Variants in CLVS1 observed in about 807,000 individuals in gnomAD.
CLVS1 encodes clavesin 1.
Under a neutral mutation model 33.1 loss-of-function variants are expected in CLVS1, and 10 were observed. That is an observed-to-expected ratio of 0.30 (90% CI 0.19 to 0.51). The LOEUF (loss-of-function observed/expected upper bound fraction) is 0.51, where lower values mean the gene tolerates loss of function less well. CLVS1 is among the 20% of genes least tolerant of loss of function. CLVS1 has a pLI of 0.97. For synonymous variants in CLVS1, 163 were observed against 166.1 expected, an observed-to-expected ratio of 0.98 and a Z score of 0.14; for missense variants, 343 against 433.4, an observed-to-expected ratio of 0.79 and a Z score of 1.85.
intron 3 of CLVS1, among the ~76,000 whole-genome samples, chr8:61,412,654 G>A (rs557068160): frequency 7.9e-5 from 12 of 152,280 alleles, no homozygotes; most frequent in South Asian, 2.1e-4. Context: ...CTTCTCTGCC[G>A]TTGCACCTCC....
intron 3 of CLVS1, among the ~76,000 whole-genome samples, chr8:61,410,845 T>G (rs991246504): frequency 6.6e-6 from 1 of 152,142 alleles, no homozygotes; most frequent in Admixed American, 6.5e-5. Flanking sequence ...TTTCACCATG[T>G]TGGCCAGGCT....
At position 61,376,753 on chromosome 8, in the gene CLVS1, C is replaced by A; in HGVS notation, c.604C>A (p.Leu202Ile). The change falls in exon 3 of 6, where the codon CTT becomes ATT. Residue 202 changes from leucine (L) to isoleucine (I), a missense_variant. By Grantham distance (5) the Leu-to-Ile change is conservative. Transcript: ENST00000325897. ...AGCCTCCAAACTGACACCTTCAATC[C>A]TTAAACTGGCCATTGAAGGGTTGCA... ...KQASKLTPSI[L>I]KLAIEGLQDS... 6.2e-7 allele frequency: 1 copy of A among 1,614,028 alleles called. No homozygotes were observed. The highest frequency in any genetic ancestry group is 2.2e-5 in the East Asian group (1 of 44,868).
intron 2 of CLVS1, among the ~76,000 whole-genome samples, chr8:61,312,711 A>G (rs1042133783): frequency 6.6e-6 from 1 of 152,174 alleles, no homozygotes; most frequent in Non-Finnish European, 1.5e-5. Context: ...TCCTCAGGAC[A>G]ATTTATGAAG....
At chr8:61,355,724 C>T (rs1410349443) in intron 2 of CLVS1, among the ~76,000 whole-genome samples, 1 of 151,236 alleles carries the variant, frequency 6.6e-6, no homozygotes, top group Non-Finnish European at 1.5e-5. Context: ...TCATCCATGT[C>T]CCTACAAAGG....
At chr8:61,167,339 C>T (rs1373442224) in intron 2 of CLVS1, among the ~76,000 whole-genome samples, 5 of 151,826 alleles carry the variant, frequency 3.3e-5, no homozygotes, top group South Asian at 2.1e-4. Flanking sequence ...CCACCAGGCT[C>T]GGATAATTTT....
chr8:61,351,743 C>A (rs1812472624), intron 2 of CLVS1, among the ~76,000 whole-genome samples: 1 of 151,982 alleles, frequency 6.6e-6, no homozygotes, highest in East Asian at 1.9e-4. Context: ...ACTGAATTTT[C>A]ATCTGAAACC....
At chr8:61,426,705 G>A (rs1334143446) in intron 3 of CLVS1, among the ~76,000 whole-genome samples, 2 of 152,188 alleles carry the variant, frequency 1.3e-5, no homozygotes, top group Non-Finnish European at 2.9e-5. Flanking sequence ...CTGGCTCTGT[G>A]CTAGGTGTTT....
At chr8:60,966,429 C>A in the CLVS1 span, 4 of 453,854 alleles carry the variant, frequency 8.8e-6, no homozygotes, top group Non-Finnish European at 1.3e-5. Context: ...ACTGCTATGG[C>A]GGGTGGAAGC....
chr8:61,192,939 A>C (rs1426693570), intron 2 of CLVS1, among the ~76,000 whole-genome samples: 1 of 152,246 alleles, frequency 6.6e-6, no homozygotes, highest in African/African-American at 2.4e-5. Flanking sequence ...AAACTGGTTC[A>C]ACCATTGTGG....
intron 3 of CLVS1, among the ~76,000 whole-genome samples, chr8:61,440,045 C>A (rs1585977225): frequency 6.6e-6 from 1 of 152,208 alleles, no homozygotes; most frequent in East Asian, 1.9e-4. Context: ...TAAGGAACTA[C>A]CATAAATAAC....
intron 2 of CLVS1, chr8:61,202,601 A>G (rs1807756934): frequency 7.2e-7 from 1 of 1,395,022 alleles, no homozygotes; most frequent in East Asian, 2.3e-5. Flanking sequence ...ATGTCTGTAC[A>G]GCCAACGGTT....
chr8:61,021,428 G>A, the CLVS1 span, among the ~76,000 whole-genome samples: 5 of 152,092 alleles, frequency 3.3e-5, no homozygotes, highest in African/African-American at 1.2e-4. Flanking sequence ...TCAGTTTACT[G>A]CAACCTCCAC....
At chr8:61,096,734 G>T (rs1223714722) in intron 1 of CLVS1, among the ~76,000 whole-genome samples, 2 of 152,102 alleles carry the variant, frequency 1.3e-5, no homozygotes, top group African/African-American at 4.8e-5. Context: ...AGAGAAAGCA[G>T]ATTCCCTCTC....
At chr8:61,148,449 G>C (rs570385795) in intron 2 of CLVS1, among the ~76,000 whole-genome samples, 2 of 152,236 alleles carry the variant, frequency 1.3e-5, no homozygotes, top group South Asian at 4.1e-4. Context: ...TCCACACAAG[G>C]CTCCTACCCT....
Position 61,057,474 on chromosome 8 carries a change from G to T in CLVS1, c.-243+244G>T, listed in dbSNP as rs144892509. ...TGGGTTTGTACTCTCTGTTTCTTAG[G>T]CCATGCCTGAGTACATGTTGGAGGA... On this transcript the variant is annotated intron_variant, in intron 1 of 2. Transcript: ENST00000522621. 2.3e-3 allele frequency among the ~76,000 whole-genome samples: 344 copies of T among 151,688 alleles called. 3 individuals carry two copies. Among genetic ancestry groups the T allele is most frequent in the African/African-American group, 8.0e-3 (332 of 41,342 alleles).
upstream of CLVS1, among the ~76,000 whole-genome samples, chr8:61,055,671 T>C (rs16926777): frequency 0.1 from 15,829 of 152,266 alleles, 1,157 homozygotes; most frequent in African/African-American, 0.2. Context: ...TTCCCTTCTG[T>C]TGAGAGTGGT....
chr8:61,258,092 C>G lies in CLVS1; in HGVS notation c.-151-41585C>G, dbSNP rs59635218. On this transcript the variant is annotated intron_variant, in intron 2 of 2. Coordinates refer to the CLVS1 transcript ENST00000522621. ...TAATAGGGCAGACCCAGCCAATCTT[C>G]TCTTCTCTGCTCCCATGGGCCATAT... is the stretch of plus-strand genomic sequence containing the variant. 5.8e-3 allele frequency among the ~76,000 whole-genome samples: 876 copies of G among 152,294 alleles called. 8 individuals carry two copies. The highest frequency in any genetic ancestry group is 0.02 in the African/African-American group (824 of 41,572).
intron 1 of CLVS1, among the ~76,000 whole-genome samples, chr8:61,081,300 G>T (rs1805015941): frequency 6.6e-6 from 1 of 152,156 alleles, no homozygotes; most frequent in African/African-American, 2.4e-5. Flanking sequence ...GTAAGAAAAA[G>T]AGGCAGAATG....
chr8:61,320,744 C>A (rs1012009932), intron 2 of CLVS1, among the ~76,000 whole-genome samples: 16 of 152,134 alleles, frequency 1.1e-4, no homozygotes, highest in African/African-American at 3.9e-4. Context: ...GCACTGATTG[C>A]TCTAGAGCCC....
Sources: allele counts gnomAD v4.1 joint callset (sites outside exome capture counted in the v4.1 genomes callset), GRCh38; gene constraint gnomAD v4.1.1; transcripts MANE v1.5; gene names NCBI Gene and HGNC (gene_info 2026-07-23, HGNC 2026-07-21).